Variants in ZNF236 observed in about 807,000 individuals in gnomAD.
ZNF236 encodes the protein regulated by glucose.
ZNF236 carries 50 observed loss-of-function variants against 191.2 expected under a neutral mutation model. That is an observed-to-expected ratio of 0.26 (90% CI 0.21 to 0.33). The LOEUF (loss-of-function observed/expected upper bound fraction) is 0.33, where lower values mean the gene tolerates loss of function less well. ZNF236 is among the 10% of genes least tolerant of loss of function. The pLI is 1.00. For synonymous variants in ZNF236, 907 were observed against 928.8 expected, an observed-to-expected ratio of 0.98 and a Z score of 0.43; for missense variants, 1,754 against 2,374.5, an observed-to-expected ratio of 0.74 and a Z score of 5.43.
Position 76,960,904 on chromosome 18 carries a change from C to G in ZNF236, c.5419+49C>G, listed in dbSNP as rs750966636. 8.4e-6 allele frequency: 13 copies of G among 1,550,456 alleles called. No individual in the cohort carries two copies. The highest frequency in any genetic ancestry group is 1.1e-5 in the Non-Finnish European group (13 of 1,146,000). On this transcript the variant is annotated intron_variant, in intron 30 of 30. Transcript: ENST00000320610. This position sits in a 1 kb window ranked among gnomAD's most constrained non-coding sequence, Gnocchi z 4.4. Reference sequence around the variant, plus strand: ...GCGTGCTGTTCGGTGGCCTGCGAGGCACCCTGTGTTTCGCATACATTGTTT... The same window carrying G: ...GCGTGCTGTTCGGTGGCCTGCGAGGGACCCTGTGTTTCGCATACATTGTTT...
chr18:76,919,743 C>T lies in ZNF236; in HGVS notation c.3275-33C>T, dbSNP rs558505248. The T allele has an allele frequency of 3.4e-5, 54 of 1,601,490 alleles. No individual in the cohort carries two copies. In the African/African-American group the frequency reaches 4.4e-4, roughly 13 times the overall value. On this transcript the variant is annotated intron_variant, in intron 19 of 30. Transcript: ENST00000320610. This position sits in a 1 kb window ranked among gnomAD's most constrained non-coding sequence, Gnocchi z 5.3. ...CTAAAAACCTAGGTTTTCTTCATTA[C>T]GATTTTGATCCCTTTTCCTTGATTT... is the stretch of plus-strand genomic sequence containing the variant.
At chr18:76,828,477 C>T (rs4890829) in intron 1 of ZNF236, among the ~76,000 whole-genome samples, 108,015 of 152,202 alleles carry the variant, frequency 0.71, 39,195 homozygotes, top group African/African-American at 0.86. Flanking sequence ...AGACTTTATC[C>T]TTTGAAGCGG....
chr18:76,838,700 G>A (rs1356350380), intron 1 of ZNF236, among the ~76,000 whole-genome samples: 1 of 152,200 alleles, frequency 6.6e-6, no homozygotes, highest in African/African-American at 2.4e-5. Flanking sequence ...AGAAAAGAAA[G>A]TTATGTATTA....
In ZNF236 at chr18:76,954,815, G is replaced by GT. The variant is rs1968484389; in HGVS notation, c.4915-1169dup. Among the ~76,000 whole-genome samples, 3 of 152,338 alleles carry GT rather than the reference G, an allele frequency of 2.0e-5. No homozygotes were observed. The South Asian group carries it at 6.2e-4, about 32-fold the overall frequency. On this transcript the variant is annotated intron_variant, in intron 27 of 30. Transcript: ENST00000320610. Reference sequence around the variant, plus strand: ...GGTGTCATATTCTAGAATGACACCAGTCCCTGCACATCTCACGAGGCTGCA... The same window carrying GT: ...GGTGTCATATTCTAGAATGACACCAGTTCCCTGCACATCTCACGAGGCTGCA...
intron 3 of ZNF236, among the ~76,000 whole-genome samples, chr18:76,853,086 T>TG (rs1975929122): frequency 6.6e-6 from 1 of 150,912 alleles, no homozygotes; most frequent in African/African-American, 2.4e-5. Flanking sequence ...TGTTTTTTGT[T>TG]TTTTTTTTTG....
Position 76,915,784 on chromosome 18 carries a change from C to T in ZNF236, c.3199C>T (p.His1067Tyr), listed in dbSNP as rs1271121122. The T allele has an allele frequency of 6.2e-7, 1 of 1,614,042 alleles. No homozygotes were observed. The highest frequency in any genetic ancestry group is 1.7e-5 in the Admixed American group (1 of 59,998). The change falls in exon 19 of 31, where the codon CAT becomes TAT. Residue 1067 changes from histidine to tyrosine, a missense_variant. His to Tyr is a moderately conservative substitution (Grantham distance 83). Coordinates refer to ENST00000320610, the MANE Select transcript of ZNF236 (RefSeq NM_001306089.2). Reference sequence around the variant, plus strand: ...TGAGGAGGGTTTCCGAACTACAGTGCATTGTAAAAAGCACATGAAGAGACA... The same window carrying T: ...TGAGGAGGGTTTCCGAACTACAGTGTATTGTAAAAAGCACATGAAGAGACA... ...FCEEGFRTTV[H>Y]CKKHMKRHQT...
chr18:76,963,233 A>G (rs927084103), intron 30 of ZNF236, among the ~76,000 whole-genome samples: 20 of 152,136 alleles, frequency 1.3e-4, no homozygotes, highest in African/African-American at 4.6e-4. Flanking sequence ...GGCTTTTATT[A>G]TTGAGGTATG....
chr18:76,875,580 A>C lies in ZNF236; in HGVS notation c.756A>C (p.Glu252Asp), dbSNP rs1337964868. The C allele has an allele frequency of 6.2e-6, 10 of 1,607,588 alleles. No individual in the cohort carries two copies. The highest frequency in any genetic ancestry group is 1.7e-5 in the Admixed American group (1 of 58,982). Residue 252 changes from glutamate to aspartate, a missense_variant, in exon 6 of 31, where the codon GAA becomes GAC. Glu to Asp is a conservative substitution (Grantham distance 45). Around this residue, in one of 5 missense-constraint regions of ZNF236, gnomAD observed 336 missense variants for 495.1 expected, o/e 0.68. Transcript: ENST00000320610. This position sits in a 1 kb window ranked among gnomAD's most constrained non-coding sequence, Gnocchi z 4.3. ...LQTHMIKHTG[E>D]KPHACAFCPA... ...CCCACATGATCAAGCACACAGGTGA[A>C]AAACCCCATGCCTGTGCCTTCTGTC... is the stretch of plus-strand genomic sequence containing the variant.
chr18:76,908,429 G>T lies in ZNF236; in HGVS notation c.2407G>T (p.Glu803Ter). The T allele has an allele frequency of 1.2e-6, 2 of 1,613,664 alleles. No individual in the cohort carries two copies. Among genetic ancestry groups the T allele is most frequent in the Non-Finnish European group, 1.7e-6 (2 of 1,179,860 alleles). The change falls in exon 14 of 31, where the codon GAG (glutamate) becomes TAG (stop). Residue 803 changes from glutamate to a stop codon, truncating the protein, a stop_gained. Coordinates refer to ENST00000320610, the MANE Select transcript of ZNF236 (RefSeq NM_001306089.2). LOFTEE classifies it high-confidence loss of function. ...QASTQMQVEI[E>*]SDELPQTAEV... ...CTCCACTCAAATGCAGGTGGAGATC[G>T]AGAGCGACGAGCTGCCGCAGACGGC... is the stretch of plus-strand genomic sequence containing the variant.
intron 1 of ZNF236, among the ~76,000 whole-genome samples, chr18:76,843,191 G>A (rs1240316054): frequency 6.6e-6 from 1 of 152,158 alleles, no homozygotes; most frequent in African/African-American, 2.4e-5. Context: ...GTTTTGAGGT[G>A]GAGAGCATGA....
At chr18:76,853,310 C>T (rs1975937707) in intron 3 of ZNF236, among the ~76,000 whole-genome samples, 2 of 152,104 alleles carry the variant, frequency 1.3e-5, no homozygotes, top group Middle Eastern at 3.4e-3. Flanking sequence ...AACTCCTGAC[C>T]TCAAGTGATC....
At chr18:76,958,843 T>C (rs374606626) in intron 28 of ZNF236, among the ~76,000 whole-genome samples, 1 of 152,182 alleles carries the variant, frequency 6.6e-6, no homozygotes, top group Non-Finnish European at 1.5e-5. Context: ...TGCTGGGCCT[T>C]GAGCAGTGCG....
At chr18:76,959,390 G>A (rs76231143) in intron 28 of ZNF236, among the ~76,000 whole-genome samples, 6,420 of 152,254 alleles carry the variant, frequency 0.042, 208 homozygotes, top group Non-Finnish European at 0.063. Flanking sequence ...CCTTGGTCTC[G>A]GTTAAAGCTG....
chr18:76,841,141 G>C (rs1319021590), intron 1 of ZNF236: 1 of 152,292 alleles, frequency 6.6e-6, no homozygotes, highest in Admixed American at 6.5e-5. Flanking sequence ...GTTTCACCAT[G>C]TTGGTCAGGC....
rs1416401169 is a variant in ZNF236 at position 76,971,583 on chromosome 18, A to C, written c.*3244A>C. 6.6e-6 allele frequency among the ~76,000 whole-genome samples: 1 copy of C among 152,196 alleles called. No individual in the cohort carries two copies. The highest frequency in any genetic ancestry group is 1.5e-5 in the Non-Finnish European group (1 of 68,036). On this transcript the variant is annotated 3_prime_UTR_variant, in exon 31 of 31. Transcript: ENST00000320610. ...GTGTTCTGTGTCTTCCTTTGAACTCATATCACATTTATTACAAGAGACGCA... is the reference window on the plus strand; with the variant it reads ...GTGTTCTGTGTCTTCCTTTGAACTCCTATCACATTTATTACAAGAGACGCA...
intron 10 of ZNF236, among the ~76,000 whole-genome samples, chr18:76,898,342 A>G (rs1317349649): frequency 6.6e-6 from 1 of 152,234 alleles, no homozygotes; most frequent in Non-Finnish European, 1.5e-5. Flanking sequence ...CCCTGTACTC[A>G]TTGGCAATAT....
rs1047780667 is a variant in ZNF236 at position 76,827,856 on chromosome 18, G to A, written c.55+5194G>A. ...TTATCATAATTATTTTAGCAATAAT[G>A]TGACCTTGAGGGAAACCACATTTTG... On this transcript the variant is annotated intron_variant, in intron 1 of 30. Coordinates refer to ENST00000320610, the MANE Select transcript of ZNF236 (RefSeq NM_001306089.2). 3.3e-5 allele frequency among the ~76,000 whole-genome samples: 5 copies of A among 152,296 alleles called. No homozygotes were observed. The East Asian group carries it at 5.8e-4, about 18-fold the overall frequency.
intron 9 of ZNF236, chr18:76,888,252 A>G: frequency 6.6e-6 from 1 of 152,344 alleles, no homozygotes; most frequent in Non-Finnish European, 1.5e-5. Context: ...AGTCCCAGCT[A>G]CTCAGGAGGC....
In ZNF236 at chr18:76,832,310, G is replaced by A. The variant is rs546621199; in HGVS notation, c.55+9648G>A. Among the ~76,000 whole-genome samples, 10 of 152,150 alleles carry A rather than the reference G, an allele frequency of 6.6e-5. No homozygotes were observed. In the East Asian group the frequency reaches 1.6e-3, roughly 24 times the overall value. On this transcript the variant is annotated intron_variant, in intron 1 of 30. Transcript: ENST00000320610. The stretch of plus-strand genomic sequence containing the variant: ...TGGCCAGGCTGGCCTCCAACTCCTC[G>A]CCTCAGGTGGTCCGCCCACCTTGAC...
Sources: allele counts gnomAD v4.1 joint callset (sites outside exome capture counted in the v4.1 genomes callset), GRCh38; gene constraint gnomAD v4.1.1; regional missense constraint gnomAD v4.1.1; non-coding constraint Gnocchi (gnomAD v3.1); transcripts MANE v1.5; gene names NCBI Gene and HGNC (gene_info 2026-07-23, HGNC 2026-07-21).